The following GALNTL6 variants were observed in gnomAD, a reference collection of about 807,000 sequenced individuals.
The protein encoded by GALNTL6 is polypeptide N-acetylgalactosaminyltransferase like 6, also known as polypeptide N-acetylgalactosaminyltransferase-like 6.
GALNTL6 carries 46 observed loss-of-function variants against 73.7 expected under a neutral mutation model. That is an observed-to-expected ratio of 0.62 (90% confidence interval 0.49 to 0.80). The LOEUF (loss-of-function observed/expected upper bound fraction) is 0.80, where lower values mean the gene tolerates loss of function less well. GALNTL6 is among the 30% of genes least tolerant of loss of function. The pLI is 0.00. For missense variants in GALNTL6, 604 were observed against 755.0 expected, an observed-to-expected ratio of 0.80 and a Z score of 2.34; for synonymous variants, 259 against 263.7, an observed-to-expected ratio of 0.98 and a Z score of 0.17.
At chr4:172,298,970 GA>G (rs1185764808) in intron 3 of GALNTL6, among the ~76,000 whole-genome samples, 4 of 152,192 alleles carry the variant, frequency 2.6e-5, no homozygotes, top group African/African-American at 4.8e-5. Flanking sequence ...ATCTCTGGTA[GA>G]ATTTGGCTGT....
chr4:172,780,327 T>C (rs1456427088), intron 5 of GALNTL6, among the ~76,000 whole-genome samples: 1 of 152,204 alleles, frequency 6.6e-6, no homozygotes, highest in Non-Finnish European at 1.5e-5. Context: ...AAAGAAGAGA[T>C]AAGTGAAGTT....
chr4:172,975,695 A>C (rs1189439698), intron 10 of GALNTL6, among the ~76,000 whole-genome samples: 6 of 152,132 alleles, frequency 3.9e-5, no homozygotes, highest in African/African-American at 1.4e-4. Context: ...AGCCATCCTC[A>C]GCCCCTTGCC....
At chr4:172,840,928 G>T (rs1444374999) in intron 7 of GALNTL6, among the ~76,000 whole-genome samples, 1 of 152,102 alleles carries the variant, frequency 6.6e-6, no homozygotes, top group African/African-American at 2.4e-5. Flanking sequence ...TTGATTAAAG[G>T]CATGAGCATT....
chr4:172,885,054 T>C (rs537152402), intron 8 of GALNTL6, among the ~76,000 whole-genome samples: 11 of 152,194 alleles, frequency 7.2e-5, no homozygotes, highest in Non-Finnish European at 1.5e-4. Context: ...AATCAAGTAA[T>C]GGGATGACTC....
At chr4:172,829,532 T>C (rs1246004763) in intron 7 of GALNTL6, among the ~76,000 whole-genome samples, 6 of 152,202 alleles carry the variant, frequency 3.9e-5, no homozygotes, top group Non-Finnish European at 8.8e-5. Context: ...TCCTCTTGCC[T>C]CTAGAAGGAG....
chr4:171,957,045 C>T (rs1739073111), intron 2 of GALNTL6, among the ~76,000 whole-genome samples: 2 of 152,266 alleles, frequency 1.3e-5, no homozygotes, highest in South Asian at 4.1e-4. Context: ...CACATGATGG[C>T]CTCACTGCGG....
chr4:172,297,927 G>A (rs1739745748), intron 3 of GALNTL6, among the ~76,000 whole-genome samples: 1 of 152,124 alleles, frequency 6.6e-6, no homozygotes, highest in Admixed American at 6.5e-5. Flanking sequence ...CATTGAATCT[G>A]TAAATTACCT....
chr4:172,010,849 G>A (rs893874261), intron 2 of GALNTL6, among the ~76,000 whole-genome samples: 3 of 152,126 alleles, frequency 2.0e-5, no homozygotes, highest in South Asian at 4.1e-4. Context: ...AACGCCATCC[G>A]AAGAGTTCAG....
chr4:172,759,672 C>G (rs1047492315), intron 5 of GALNTL6, among the ~76,000 whole-genome samples: 2 of 152,160 alleles, frequency 1.3e-5, no homozygotes, highest in Non-Finnish European at 2.9e-5. Context: ...ATGCTGTCTC[C>G]CATGCCAGTA....
intron 5 of GALNTL6, among the ~76,000 whole-genome samples, chr4:172,417,132 A>C (rs1478820373): frequency 1.3e-5 from 2 of 151,824 alleles, no homozygotes; most frequent in South Asian, 2.1e-4. Flanking sequence ...TTGTCTAAAA[A>C]CTCGGTCATT....
chr4:172,288,103 T>A (rs1287494339), intron 3 of GALNTL6, among the ~76,000 whole-genome samples: 1 of 151,880 alleles, frequency 6.6e-6, no homozygotes. Context: ...GATTTTTTTT[T>A]TTTTTGAGAT....
intron 2 of GALNTL6, among the ~76,000 whole-genome samples, chr4:172,015,923 A>ATTTTTT (rs70941375): frequency 4.5e-4 from 20 of 44,088 alleles, no homozygotes; most frequent in South Asian, 1.4e-3. Flanking sequence ...ATCTAATAGG[A>ATTTTTT]TTTTTTTTTT....
intron 2 of GALNTL6, among the ~76,000 whole-genome samples, chr4:172,033,347 G>A (rs1346881254): frequency 6.6e-6 from 1 of 151,858 alleles, no homozygotes; most frequent in Non-Finnish European, 1.5e-5. Context: ...TTTCTATAGT[G>A]TAGAAGGGAC....
At chr4:172,685,017 A>T (rs1225455505) in intron 5 of GALNTL6, among the ~76,000 whole-genome samples, 1 of 152,214 alleles carries the variant, frequency 6.6e-6, no homozygotes, top group Non-Finnish European at 1.5e-5. Flanking sequence ...TACCTTGTAC[A>T]TATTGTAAAT....
At chr4:172,870,045 C>T (rs993456682) in intron 7 of GALNTL6, among the ~76,000 whole-genome samples, 1 of 146,294 alleles carries the variant, frequency 6.8e-6, no homozygotes, top group Non-Finnish European at 1.5e-5. Context: ...TCCAGGTGAC[C>T]TTTACTGTCA....
chr4:171,858,970 T>C (rs1010950583), intron 2 of GALNTL6, among the ~76,000 whole-genome samples: 1 of 152,194 alleles, frequency 6.6e-6, no homozygotes, highest in South Asian at 2.1e-4. Flanking sequence ...GCAGAAATGA[T>C]ATTTTGTTTA....
intron 3 of GALNTL6, among the ~76,000 whole-genome samples, chr4:172,259,043 GCTA>G (rs1738171337): frequency 6.6e-6 from 1 of 151,086 alleles, no homozygotes; most frequent in Non-Finnish European, 1.5e-5. Flanking sequence ...TGTGAAGTGA[GCTA>G]CTATAAAGAT....
chr4:172,810,335 A>C (rs375506752), intron 6 of GALNTL6, among the ~76,000 whole-genome samples: 1 of 152,214 alleles, frequency 6.6e-6, no homozygotes, highest in African/African-American at 2.4e-5. Flanking sequence ...AGTAAAATAT[A>C]AAGTCCAGTT....
chr4:171,914,711 C>A lies in GALNTL6; in HGVS notation c.138+99993C>A, dbSNP rs118179391. On this transcript the variant is annotated intron_variant, in intron 2 of 12. Coordinates refer to ENST00000506823, the MANE Select transcript of GALNTL6 (RefSeq NM_001034845.3). The stretch of plus-strand genomic sequence containing the variant: ...GATTACAGGCATAAGCCACCATGGC[C>A]GGCCAAAAATGTACATATTTATGAA... Among the ~76,000 whole-genome samples, 230 of 148,842 alleles carry A rather than the reference C, an allele frequency of 1.5e-3. 1 individual carries two copies. Among genetic ancestry groups the A allele is most frequent in the Admixed American group, 0.01 (152 of 14,988 alleles).
Sources: gnomAD v4.1 joint callset for allele counts (sites outside exome capture counted in the v4.1 genomes callset) on GRCh38, gnomAD v4.1.1 for gene constraint, MANE v1.5 for transcripts, NCBI Gene and HGNC (gene_info 2026-07-23, HGNC 2026-07-21) for gene names.